NCALD: variants seen among roughly 807,000 people sequenced by gnomAD.
The protein encoded by NCALD is neurocalcin delta.
Under a neutral mutation model 18.6 loss-of-function variants are expected in NCALD, and 10 were observed. The ratio of observed to expected loss-of-function variants is 0.54; its 90% CI spans 0.33 to 0.91. The LOEUF (loss-of-function observed/expected upper bound fraction) is 0.91, where lower values mean the gene tolerates loss of function less well. Among genes scored for constraint, NCALD ranks in the 40% least tolerant of loss-of-function variants. NCALD has a pLI of 0.03. For missense variants in NCALD, 184 were observed against 247.6 expected (o/e 0.74, Z 1.72); for synonymous variants, 88 against 87.4 (o/e 1.01, Z -0.04).
chr8:101,890,086 T>A (rs1816818759), intron 3 of NCALD, among the ~76,000 whole-genome samples: 1 of 152,112 alleles, frequency 6.6e-6, no homozygotes, highest in Admixed American at 6.5e-5. Flanking sequence ...CACAAGCCAA[T>A]ATGTGAGACA....
At chr8:102,052,062 A>G (rs1823475990) in intron 1 of NCALD, among the ~76,000 whole-genome samples, 1 of 152,240 alleles carries the variant, frequency 6.6e-6, no homozygotes, top group Admixed American at 6.5e-5. Flanking sequence ...TTGGGTTTTT[A>G]TCAACAGCCA....
At chr8:101,817,386 G>A (rs192117365) in intron 4 of NCALD, among the ~76,000 whole-genome samples, 10 of 152,186 alleles carry the variant, frequency 6.6e-5, no homozygotes, top group African/African-American at 1.4e-4. Flanking sequence ...TGTTCTTTCC[G>A]GATTGTCATT....
Position 101,898,025 on chromosome 8 carries a change from T to C in NCALD, c.-106-10798A>G, listed in dbSNP as rs902076358. On this transcript the variant is annotated intron_variant, in intron 3 of 6. Transcript: ENST00000311028. ...TTCCCCCTTTGCTGAGCACATATTC[T>C]TCTCCTCGATGCCACCATGTGAAGA... 3.8e-4 allele frequency among the ~76,000 whole-genome samples: 54 copies of C among 140,318 alleles called. 2 individuals are homozygous for C. Among genetic ancestry groups the C allele is most frequent in the African/African-American group, 1.6e-3 (52 of 32,116 alleles). 92.1% of individuals were successfully genotyped at this position (140,318 alleles called of 152,430 possible).
intron 4 of NCALD, among the ~76,000 whole-genome samples, chr8:101,879,001 A>G (rs943003166): frequency 7.2e-5 from 11 of 152,386 alleles, no homozygotes; most frequent in East Asian, 1.9e-4. Context: ...TCAGACTTCA[A>G]TAATGCAAAT....
At chr8:101,835,237 A>G (rs73277012) in intron 4 of NCALD, among the ~76,000 whole-genome samples, 4,962 of 152,312 alleles carry the variant, frequency 0.033, 278 homozygotes, top group African/African-American at 0.11. Flanking sequence ...TTGGCTTTCT[A>G]TCTCAGGTGG....
At chr8:101,966,018 C>A (rs751835821) in intron 2 of NCALD, among the ~76,000 whole-genome samples, 15 of 151,964 alleles carry the variant, frequency 9.9e-5, no homozygotes, top group African/African-American at 3.1e-4. Flanking sequence ...TAGGAACATT[C>A]TTGCCATGAT....
intron 1 of NCALD, among the ~76,000 whole-genome samples, chr8:101,771,315 C>G (rs1811576250): frequency 1.3e-5 from 2 of 152,134 alleles, no homozygotes; most frequent in Admixed American, 1.3e-4. Flanking sequence ...GACAAAAATT[C>G]CCACAAAATG....
intron 2 of NCALD, chr8:101,693,108 G>C (rs1288528395): frequency 1.1e-5 from 5 of 449,588 alleles, no homozygotes; most frequent in Non-Finnish European, 1.2e-5. Flanking sequence ...CCTTCAGGAG[G>C]GACAACCAGC....
At position 101,772,737 on chromosome 8, in the gene NCALD, C is replaced by T. The variant is rs1177044177; in HGVS notation, c.-20+18125G>A. Among the ~76,000 whole-genome samples, 3 of 152,310 alleles carry T rather than the reference C, an allele frequency of 2.0e-5. No homozygotes were observed. The East Asian group carries it at 5.8e-4, about 29-fold the overall frequency. On this transcript the variant is annotated intron_variant, in intron 1 of 3. Coordinates refer to ENST00000220931, the MANE Select transcript of NCALD (RefSeq NM_032041.3). ...TCATGGGTCCCATGGCTCTACTCTA[C>T]TATTCTGAAGCCAAGGGCCTCCCTT... is the stretch of plus-strand genomic sequence containing the variant.
chr8:101,825,580 T>G (rs73696630), intron 4 of NCALD, among the ~76,000 whole-genome samples: 3,005 of 152,288 alleles, frequency 0.02, 103 homozygotes, highest in African/African-American at 0.067. Context: ...GGGCCTCCAG[T>G]TAACTCAGAC....
intron 2 of NCALD, among the ~76,000 whole-genome samples, chr8:101,942,279 C>A (rs1312802904): frequency 2.0e-5 from 3 of 152,170 alleles, no homozygotes; most frequent in Non-Finnish European, 2.9e-5. Context: ...CTCGCTGCAC[C>A]AAGAACTTCA....
chr8:102,045,764 A>G (rs1328187181), intron 1 of NCALD, among the ~76,000 whole-genome samples: 3 of 152,322 alleles, frequency 2.0e-5, no homozygotes, highest in East Asian at 1.9e-4. Context: ...TGTATTTTCC[A>G]TTCTATTTCA....
At chr8:101,708,003 G>A (rs542670861) in intron 2 of NCALD, among the ~76,000 whole-genome samples, 50 of 152,176 alleles carry the variant, frequency 3.3e-4, no homozygotes, top group Non-Finnish European at 6.6e-4. Flanking sequence ...TTCTAACCTC[G>A]TCTTTAAAGT....
At chr8:101,941,357 C>A (rs1818948984) in intron 2 of NCALD, among the ~76,000 whole-genome samples, 1 of 152,184 alleles carries the variant, frequency 6.6e-6, no homozygotes, top group Admixed American at 6.5e-5. Flanking sequence ...CTATGAGAAT[C>A]CAAGGCCACT....
intron 2 of NCALD, among the ~76,000 whole-genome samples, chr8:101,702,316 G>A (rs527693782): frequency 2.6e-5 from 4 of 151,396 alleles, no homozygotes; most frequent in African/African-American, 9.7e-5. Flanking sequence ...CTGTAGCTTC[G>A]GACCTCCTGG....
At chr8:102,006,902 T>C (rs1821734231) in intron 2 of NCALD, among the ~76,000 whole-genome samples, 1 of 152,220 alleles carries the variant, frequency 6.6e-6, no homozygotes, top group African/African-American at 2.4e-5. Flanking sequence ...GGTCCCTCAG[T>C]GATACCGGCA....
intron 1 of NCALD, among the ~76,000 whole-genome samples, chr8:102,102,601 A>G (rs1825321885): frequency 2.0e-5 from 3 of 152,190 alleles, no homozygotes; most frequent in Non-Finnish European, 2.9e-5. Flanking sequence ...CCCGGAGCCC[A>G]GCTTCCGAGG....
At chr8:102,093,856 C>G (rs541634531) in intron 1 of NCALD, among the ~76,000 whole-genome samples, 147 of 152,306 alleles carry the variant, frequency 9.7e-4, no homozygotes, top group Non-Finnish European at 1.2e-3. Flanking sequence ...CAATTCCTAA[C>G]TGATGTGACA....
intron 2 of NCALD, among the ~76,000 whole-genome samples, chr8:101,947,300 T>A (rs1328700504): frequency 6.6e-6 from 1 of 152,186 alleles, no homozygotes; most frequent in African/African-American, 2.4e-5. Context: ...TGCGAGTGTT[T>A]TGAGAAAGTT....
Sources: gnomAD v4.1 joint callset for allele counts (sites outside exome capture counted in the v4.1 genomes callset) on GRCh38, gnomAD v4.1.1 for gene constraint, MANE v1.5 for transcripts, NCBI Gene and HGNC (gene_info 2026-07-23, HGNC 2026-07-21) for gene names.